Variants in CREG2 observed in about 807,000 individuals in gnomAD.
CREG2 encodes protein CREG2.
A neutral mutation model predicts 26.2 loss-of-function variants in CREG2; 24 were observed. The ratio of observed to expected loss-of-function variants is 0.92; its 90% CI spans 0.66 to 1.29. CREG2 has a LOEUF of 1.29. Among genes scored for constraint, CREG2 ranks in the 50% most tolerant of loss-of-function variants. CREG2 has a pLI of 0.00. For synonymous variants in CREG2, 174 were observed against 169.2 expected (o/e 1.03, Z -0.22); for missense variants, 366 against 398.6 (o/e 0.92, Z 0.70).
intron 2 of CREG2, among the ~76,000 whole-genome samples, chr2:101,359,619 C>T (rs971006239): frequency 8.5e-5 from 13 of 152,142 alleles, no homozygotes; most frequent in Non-Finnish European, 1.6e-4. Flanking sequence ...GATAGTCACC[C>T]GACATTCCTG....
chr2:101,364,051 C>G (rs1684585063), intron 2 of CREG2, among the ~76,000 whole-genome samples: 1 of 152,164 alleles, frequency 6.6e-6, no homozygotes, highest in Non-Finnish European at 1.5e-5. Flanking sequence ...GGTTGAGGGG[C>G]TCTATCTCCT....
chr2:101,375,921 G>A (rs72988800), intron 2 of CREG2: 17,316 of 161,564 alleles, frequency 0.11, 1,003 homozygotes, highest in Middle Eastern at 0.13. Flanking sequence ...TACTGACTGT[G>A]TTCAAGGGGG....
chr2:101,354,889 T>C (rs6543033), intron 3 of CREG2, among the ~76,000 whole-genome samples: 129,074 of 151,904 alleles, frequency 0.85, 55,150 homozygotes, highest in East Asian at 1. Context: ...AGCACCACAC[T>C]GAGAAACGCT....
intron 3 of CREG2, among the ~76,000 whole-genome samples, chr2:101,353,139 G>A (rs1339523557): frequency 6.6e-6 from 1 of 152,136 alleles, no homozygotes; most frequent in Non-Finnish European, 1.5e-5. Flanking sequence ...TAAGTTCCTT[G>A]TAGATTTTGG....
At position 101,346,529 on chromosome 2, in the gene CREG2, T is replaced by G. The variant is rs925856078; in HGVS notation, c.*4394A>C. ...TTGTTGAATTCTTGTTAATTTGTAT[T>G]TAACATTAAATTGAACATATTTAGG... On this transcript the variant is annotated 3_prime_UTR_variant, in exon 4 of 4. Transcript: ENST00000324768. 6.6e-6 allele frequency: 1 copy of G among 152,196 alleles called. No individual in the cohort carries two copies. The highest frequency in any genetic ancestry group is 1.5e-5 in the Non-Finnish European group (1 of 68,030). 9.4% of individuals were successfully genotyped at this position (152,196 alleles called of 1,614,324 possible).
rs757915520 is a variant in CREG2 at position 101,350,988 on chromosome 2, A to G, written c.808T>C (p.Trp270Arg). 4.3e-6 allele frequency: 7 copies of G among 1,614,144 alleles called. No homozygotes were observed. The highest frequency in any genetic ancestry group is 5.1e-6 in the Non-Finnish European group (6 of 1,180,022). The part of the protein sequence containing the change: ...MRIEHIWLQK[W>R]YGGASSISRE... ...GAAATACTGGATGCGCCTCCATACC[A>G]TTTCTGAAGCCAGATATGTTCTATC... Residue 270 changes from tryptophan to arginine, a missense_variant, in exon 4 of 4, where the codon TGG becomes CGG. Trp to Arg is a moderately radical substitution (Grantham distance 101). Transcript: ENST00000324768.
chr2:101,360,207 C>T (rs1236944695), intron 2 of CREG2, among the ~76,000 whole-genome samples: 1 of 152,136 alleles, frequency 6.6e-6, no homozygotes, highest in African/African-American at 2.4e-5. Context: ...ATAACCATTG[C>T]CTTACCACCT....
At chr2:101,377,640 C>T (rs112615126) in intron 2 of CREG2, among the ~76,000 whole-genome samples, 14 of 152,268 alleles carry the variant, frequency 9.2e-5, no homozygotes, top group Admixed American at 2.0e-4. Context: ...GAGGAGAGGG[C>T]GTTGCTGATT....
chr2:101,360,798 T>C (rs535731158), intron 2 of CREG2, among the ~76,000 whole-genome samples: 1 of 151,668 alleles, frequency 6.6e-6, no homozygotes, highest in Non-Finnish European at 1.5e-5. Flanking sequence ...TGGAAAAATG[T>C]GGTTGTTAAG....
intron 3 of CREG2, among the ~76,000 whole-genome samples, chr2:101,351,929 T>G (rs1336808602): frequency 6.6e-6 from 1 of 152,148 alleles, no homozygotes; most frequent in Admixed American, 6.5e-5. Flanking sequence ...TCTGTTGCCC[T>G]GGCTGGAGTG....
chr2:101,387,138 C>G lies in CREG2; in HGVS notation c.320G>C (p.Arg107Pro). 4 of 1,250,524 alleles carry G rather than the reference C, an allele frequency of 3.2e-6. No individual in the cohort carries two copies. The highest frequency in any genetic ancestry group is 2.0e-6 in the Non-Finnish European group (2 of 998,032). The allele number at this position is 1,250,524 out of a possible 1,614,324, so 77.5% of individuals were successfully genotyped here. Residue 107 changes from arginine to proline, a missense_variant, in exon 1 of 4, where the codon CGG (arginine) becomes CCG (proline). Transcript: ENST00000324768. This position sits in a 1 kb window ranked among gnomAD's most constrained non-coding sequence, Gnocchi z 4.7. Reference protein sequence around the residue: ...PPAPPGMFSYRREGGQTASAP... With the variant: ...PPAPPGMFSYPREGGQTASAP... ...ACTGGCCGTCTGGCCGCCCTCGCGC[C>G]GGTAGGAGAACATCCCGGGTGGCGC...
rs531889379 is a variant in CREG2 at position 101,360,461 on chromosome 2, G to A, written c.612-5095C>T. On this transcript the variant is annotated intron_variant, in intron 2 of 3. Coordinates refer to ENST00000324768, the MANE Select transcript of CREG2 (RefSeq NM_153836.4). Reference sequence around the variant, plus strand: ...TAAAAGAAGAAAGAAAGGGCTGGGTGCAGTGACTCACACCTGTAATCCCAG... The same window carrying A: ...TAAAAGAAGAAAGAAAGGGCTGGGTACAGTGACTCACACCTGTAATCCCAG... Among the ~76,000 whole-genome samples the A allele has an allele frequency of 6.6e-5, 10 of 152,266 alleles. No homozygotes were observed. The East Asian group carries it at 1.9e-3, about 29-fold the overall frequency.
Position 101,346,339 on chromosome 2 carries a change from G to T in CREG2, c.*4584C>A, listed in dbSNP as rs1684306667. On this transcript the variant is annotated 3_prime_UTR_variant, in exon 4 of 4. Coordinates refer to ENST00000324768, the MANE Select transcript of CREG2 (RefSeq NM_153836.4). ...AGAATTATTTCCCACAATATTTAGG[G>T]GAAGATTACTGGAAATATAGTTCTT... 2 of 152,010 alleles carry T rather than the reference G, an allele frequency of 1.3e-5. No individual in the cohort carries two copies. The highest frequency in any genetic ancestry group is 4.1e-4 in the South Asian group (2 of 4,826). 9.4% of individuals were successfully genotyped at this position (152,010 alleles called of 1,614,324 possible).
chr2:101,381,176 C>T (rs533249737), intron 2 of CREG2, among the ~76,000 whole-genome samples: 100 of 152,284 alleles, frequency 6.6e-4, no homozygotes, highest in South Asian at 2.3e-3. Flanking sequence ...TCAGGCCCGG[C>T]GACAGGCAGG....
chr2:101,361,337 G>T (rs1159574341), intron 2 of CREG2, among the ~76,000 whole-genome samples: 2 of 152,182 alleles, frequency 1.3e-5, no homozygotes, highest in Non-Finnish European at 2.9e-5. Flanking sequence ...CCCTTACATG[G>T]CAAAGAGGAA....
At chr2:101,378,984 C>T (rs183471751) in intron 2 of CREG2, among the ~76,000 whole-genome samples, 12 of 150,462 alleles carry the variant, frequency 8.0e-5, no homozygotes, top group East Asian at 7.8e-4. Context: ...CTAGCCTGGG[C>T]GACAGAGTGA....
chr2:101,385,421 T>A (rs1043257252), intron 1 of CREG2, among the ~76,000 whole-genome samples: 1 of 152,304 alleles, frequency 6.6e-6, no homozygotes, highest in East Asian at 1.9e-4. Flanking sequence ...CCTCAAGTGA[T>A]CTGCCCGCCT....
chr2:101,351,818 C>T (rs758360291), intron 3 of CREG2, among the ~76,000 whole-genome samples: 2 of 152,020 alleles, frequency 1.3e-5, no homozygotes, highest in Non-Finnish European at 2.9e-5. Context: ...ATTCAAAGAC[C>T]GAGTCCAAAC....
chr2:101,360,056 A>G (rs903378772), intron 2 of CREG2, among the ~76,000 whole-genome samples: 2 of 152,194 alleles, frequency 1.3e-5, no homozygotes, highest in African/African-American at 2.4e-5. Flanking sequence ...TAAAGACAAG[A>G]CTAGATCAAT....
Sources: gnomAD v4.1 joint callset for allele counts (sites outside exome capture counted in the v4.1 genomes callset) on GRCh38, gnomAD v4.1.1 for gene constraint, Gnocchi (gnomAD v3.1) non-coding constraint, MANE v1.5 for transcripts, NCBI Gene and HGNC (gene_info 2026-07-23, HGNC 2026-07-21) for gene names.